The following RYR3 variants were observed in gnomAD, a reference collection of about 807,000 sequenced individuals.
RYR3 encodes brain ryanodine receptor-calcium release channel.
RYR3 carries 207 observed loss-of-function variants against 584.3 expected under a neutral mutation model. That is an observed-to-expected ratio of 0.35 (90% CI 0.32 to 0.40). The LOEUF (loss-of-function observed/expected upper bound fraction) is 0.40, where lower values mean the gene tolerates loss of function less well. Among genes scored for constraint, RYR3 ranks in the 10% least tolerant of loss-of-function variants. The pLI is 1.00. For synonymous variants in RYR3, 2,416 were observed against 2,248.5 expected, an observed-to-expected ratio of 1.07 and a Z score of -2.11; for missense variants, 5,616 against 6,089.2, an observed-to-expected ratio of 0.92 and a Z score of 2.59.
At chr15:33,539,324 G>T in intron 5 of RYR3, 26 bp from the exon 6 acceptor site, 1 of 1,452,934 alleles carries the variant, frequency 6.9e-7, no homozygotes, top group South Asian at 1.2e-5. Flanking sequence ...GTGAAGCAAT[G>T]ACTAACTCAA....
chr15:33,658,106 A>G (rs538017019), intron 32 of RYR3, among the ~76,000 whole-genome samples: 12 of 152,350 alleles, frequency 7.9e-5, no homozygotes, highest in African/African-American at 2.9e-4. Context: ...CATGATTTCT[A>G]TGGATCAGGA....
At position 33,539,370 on chromosome 15, in the gene RYR3, A is replaced by T. The variant is rs780128168; in HGVS notation, c.454A>T (p.Ile152Leu). 1.3e-6 allele frequency: 2 copies of T among 1,595,986 alleles called. No individual in the cohort carries two copies. The highest frequency in any genetic ancestry group is 3.5e-5 in the Admixed American group (2 of 57,826). The change falls in exon 6 of 104, where the codon ATA (isoleucine) becomes TTA (leucine). Residue 152 changes from isoleucine (I) to leucine (L), a missense_variant. This residue lies in a region of RYR3 where 1,284 missense variants were observed against 1,344.6 expected (regional missense o/e 0.95). Transcript: ENST00000634891. ...HATGEACWWT[I>L]HPASKQRSEG... ...TGTAGGAGAAGCCTGTTGGTGGACT[A>T]TACATCCTGCTTCCAAACAGAGGTC...
At chr15:33,764,434 G>A (rs1365101176) in intron 60 of RYR3, among the ~76,000 whole-genome samples, 1 of 152,050 alleles carries the variant, frequency 6.6e-6, no homozygotes. Flanking sequence ...TCAGGAGGTG[G>A]GGGCCAAGGG....
At chr15:33,625,290 G>T (rs374718503) in intron 20 of RYR3, among the ~76,000 whole-genome samples, 1 of 152,168 alleles carries the variant, frequency 6.6e-6, no homozygotes, top group African/African-American at 2.4e-5. Flanking sequence ...CCCTTCCCCC[G>T]ACATGTGGGA....
intron 43 of RYR3, among the ~76,000 whole-genome samples, chr15:33,714,963 A>G (rs566269303): frequency 3.7e-4 from 56 of 152,356 alleles, no homozygotes; most frequent in African/African-American, 1.3e-3. Flanking sequence ...CACATGAGAC[A>G]TTGGCATGCC....
chr15:33,821,889 A>G (rs551260315), intron 80 of RYR3, among the ~76,000 whole-genome samples: 17 of 152,312 alleles, frequency 1.1e-4, no homozygotes, highest in African/African-American at 3.4e-4. Context: ...CTCCAGAAAA[A>G]TTTCCTAAGA....
At chr15:33,680,092 A>G (rs2064480188) in intron 38 of RYR3, among the ~76,000 whole-genome samples, 1 of 152,172 alleles carries the variant, frequency 6.6e-6, no homozygotes, top group Non-Finnish European at 1.5e-5. Flanking sequence ...TAACCTCTGT[A>G]TATTTCAGTT....
chr15:33,587,170 C>T (rs1424774390), intron 16 of RYR3, among the ~76,000 whole-genome samples: 2 of 152,184 alleles, frequency 1.3e-5, no homozygotes, highest in Middle Eastern at 3.2e-3. Context: ...AAAAGAAATA[C>T]ATGGGATCTG....
At chr15:33,528,236 A>G (rs1393868688) in intron 3 of RYR3, among the ~76,000 whole-genome samples, 3 of 152,170 alleles carry the variant, frequency 2.0e-5, no homozygotes, top group Non-Finnish European at 4.4e-5. Flanking sequence ...TGAGCCAGTC[A>G]GTCTGAGCCC....
chr15:33,375,995 C>T (rs1350748162), intron 1 of RYR3, among the ~76,000 whole-genome samples: 6 of 152,174 alleles, frequency 3.9e-5, no homozygotes, highest in South Asian at 2.1e-4. Flanking sequence ...ACCCGGGAGG[C>T]GGAGCTTACA....
At chr15:33,452,677 A>G (rs1286549471) in intron 1 of RYR3, among the ~76,000 whole-genome samples, 1 of 150,372 alleles carries the variant, frequency 6.7e-6, no homozygotes, top group Non-Finnish European at 1.5e-5. Context: ...TATTGTTTCC[A>G]TTTCACAGCC....
At chr15:33,555,958 G>A (rs1243619111) in intron 10 of RYR3, among the ~76,000 whole-genome samples, 1 of 152,152 alleles carries the variant, frequency 6.6e-6, no homozygotes, top group African/African-American at 2.4e-5. Flanking sequence ...TCAAATTCTA[G>A]ATGAGAAAGT....
chr15:33,812,798 A>C lies in RYR3; in HGVS notation c.10258-65A>C, dbSNP rs960143045. 12 of 1,545,282 alleles carry C rather than the reference A, an allele frequency of 7.8e-6. No homozygotes were observed. The African/African-American group carries it at 1.4e-4, about 18-fold the overall frequency. ...CTCCTACAGAACCATGGTAGGACCA[A>C]AAGGCTTCTTCAGTATAAGAAGTAC... On this transcript the variant is annotated intron_variant, in intron 72 of 103. Coordinates refer to ENST00000634891, the MANE Select transcript of RYR3 (RefSeq NM_001036.6).
chr15:33,576,279 A>G (rs2058298136), intron 12 of RYR3, among the ~76,000 whole-genome samples: 1 of 152,208 alleles, frequency 6.6e-6, no homozygotes, highest in Non-Finnish European at 1.5e-5. Flanking sequence ...TGAGGCCAGA[A>G]TCATCCTGAT....
intron 19 of RYR3, among the ~76,000 whole-genome samples, chr15:33,613,805 A>G (rs2060316402): frequency 6.6e-6 from 1 of 152,202 alleles, no homozygotes; most frequent in African/African-American, 2.4e-5. Flanking sequence ...AATTGGTATT[A>G]CACCGAATAT....
chr15:33,782,803 T>C (rs932826198), intron 65 of RYR3, among the ~76,000 whole-genome samples: 1 of 152,224 alleles, frequency 6.6e-6, no homozygotes, highest in African/African-American at 2.4e-5. Flanking sequence ...TGATGCCCTA[T>C]AACATCCTGG....
At chr15:33,658,653 A>C (rs1047699530) in intron 32 of RYR3, among the ~76,000 whole-genome samples, 2 of 152,220 alleles carry the variant, frequency 1.3e-5, no homozygotes, top group African/African-American at 4.8e-5. Context: ...GTGGAATTAA[A>C]GTCCCAGTGT....
At chr15:33,813,428 T>G in intron 73 of RYR3, 39 bp from the exon 74 acceptor site, 1 of 1,551,908 alleles carries the variant, frequency 6.4e-7, no homozygotes, top group South Asian at 1.1e-5. Flanking sequence ...CACCAGAAGA[T>G]CAGCCTAATG....
intron 17 of RYR3, among the ~76,000 whole-genome samples, chr15:33,601,768 T>G (rs1253702787): frequency 6.6e-6 from 1 of 152,248 alleles, no homozygotes; most frequent in Non-Finnish European, 1.5e-5. Flanking sequence ...TTTAAGTAGC[T>G]GAGGATAGAG....
Sources: gnomAD v4.1 joint callset for allele counts (sites outside exome capture counted in the v4.1 genomes callset) on GRCh38, gnomAD v4.1.1 for gene constraint, gnomAD v4.1.1 regional missense constraint, MANE v1.5 for transcripts, NCBI Gene and HGNC (gene_info 2026-07-23, HGNC 2026-07-21) for gene names.